Variants in SERPINB11 observed in about 807,000 individuals in gnomAD.
SERPINB11 encodes serpin B11.
Under a neutral mutation model 36.7 loss-of-function variants are expected in SERPINB11, and 32 were observed. The ratio of observed to expected loss-of-function variants is 0.87; its 90% CI spans 0.66 to 1.17. The LOEUF (loss-of-function observed/expected upper bound fraction) is 1.17. SERPINB11 is among the 50% of genes most tolerant of loss of function. The pLI, the probability that SERPINB11 is intolerant of heterozygous loss-of-function variation, is 0.00. For synonymous variants in SERPINB11, 174 were observed against 168.1 expected (o/e 1.04, Z -0.27); for missense variants, 528 against 458.4 (o/e 1.15, Z -1.39).
chr18:63,710,269 G>A lies in SERPINB11; in HGVS notation c.76G>A (p.Asp26Asn). 1.2e-6 allele frequency: 2 copies of A among 1,613,848 alleles called. No homozygotes were observed. The highest frequency in any genetic ancestry group is 1.1e-5 in the South Asian group (1 of 91,066). The change falls in exon 2 of 8, where the codon GAT becomes AAT. Residue 26 changes from aspartate (D) to asparagine (N), a missense_variant. Physicochemically the swap from Asp to Asn is conservative, Grantham distance 23 (BLOSUM62 1). Transcript: ENST00000544088. ...FKELNSNNIG[D>N]NIFFSSLSLL... is the part of the protein sequence containing the mutation. ...AGAGCTGAACAGTAACAACATAGGA[G>A]ATAACATCTTCTTTTCTTCGCTGAG...
At position 63,711,377 on chromosome 18, in the gene SERPINB11, T is replaced by A. The variant is rs1914520694; in HGVS notation, c.211T>A (p.Phe71Ile). The stretch of plus-strand genomic sequence containing the variant: ...TACTGTAGACTCATTAAAACCAGGG[T>A]TCAAGGACTCACCTAAGGTATGATA... ...SHTVDSLKPG[F>I]KDSPKCSQAG... Residue 71 changes from phenylalanine to isoleucine, a missense_variant, in exon 3 of 8, where the codon TTC becomes ATC. Coordinates refer to ENST00000544088, the MANE Select transcript of SERPINB11 (RefSeq NM_001370475.1). The A allele has an allele frequency of 9.9e-6, 16 of 1,609,036 alleles. No individual in the cohort carries two copies. The highest frequency in any genetic ancestry group is 1.4e-5 in the Non-Finnish European group (16 of 1,176,052).
rs781740059 is a variant in SERPINB11 at position 63,723,275 on chromosome 18, A to G, written c.1055A>G (p.Asp352Gly). ...ACGGAGGCAGCAGCAGCCACTGGGG[A>G]CAGCATCGCTGTAAAAAGCCTACCA... ...EGTEAAAATG[D>G]SIAVKSLPMR... The change falls in exon 8 of 8, where the codon GAC becomes GGC. Residue 352 changes from aspartate (D) to glycine (G), a missense_variant. Transcript: ENST00000544088. The G allele has an allele frequency of 1.2e-5, 20 of 1,613,966 alleles. No individual in the cohort carries two copies. The highest frequency in any genetic ancestry group is 1.6e-5 in the Non-Finnish European group (19 of 1,179,860).
At chr18:63,705,728 T>C (rs529753914) in intron 1 of SERPINB11, 3 of 152,362 alleles carry the variant, frequency 2.0e-5, no homozygotes, top group Non-Finnish European at 4.4e-5. Flanking sequence ...ACAATAGTTA[T>C]GATATGTGAA....
At position 63,723,348 on chromosome 18, in the gene SERPINB11, G is replaced by T. The variant is rs1233244317; in HGVS notation, c.1128G>T (p.Arg376Ser). The T allele has an allele frequency of 1.2e-6, 2 of 1,613,714 alleles. No homozygotes were observed. Among genetic ancestry groups the T allele is most frequent in the Middle Eastern group, 1.7e-4 (1 of 6,056 alleles). Residue 376 changes from arginine to serine, a missense_variant, in exon 8 of 8, where the codon AGG (arginine) becomes AGT (serine). Arg to Ser is a moderately radical substitution (Grantham distance 110). Coordinates refer to ENST00000544088, the MANE Select transcript of SERPINB11 (RefSeq NM_001370475.1). ...KANHPFLFFI[R>S]HTHTNTILFC... is the part of the protein sequence containing the mutation. The stretch of plus-strand genomic sequence containing the variant: ...ACCACCCCTTCCTTTTCTTTATAAG[G>T]CACACTCATACCAACACGATCCTAT...
At chr18:63,719,872 A>C in intron 5 of SERPINB11, 141 bp from the exon 6 acceptor site, 1 of 582,962 alleles carries the variant, frequency 1.7e-6, no homozygotes, top group Non-Finnish European at 2.9e-6. Flanking sequence ...CTCCATGGCC[A>C]GGAGATGAAA....
chr18:63,717,142 T>A (rs1349606553), intron 5 of SERPINB11, among the ~76,000 whole-genome samples: 1 of 152,122 alleles, frequency 6.6e-6, no homozygotes, highest in Non-Finnish European at 1.5e-5. Flanking sequence ...ATTGGAATCA[T>A]AAGTTATGTG....
intron 3 of SERPINB11, among the ~76,000 whole-genome samples, chr18:63,711,699 C>T (rs1341550189): frequency 6.6e-6 from 1 of 152,092 alleles, no homozygotes; most frequent in Non-Finnish European, 1.5e-5. Context: ...TGGTGTTAGA[C>T]TTTTCTGTCT....
chr18:63,717,244 A>G (rs1914692697), intron 5 of SERPINB11, among the ~76,000 whole-genome samples: 1 of 152,074 alleles, frequency 6.6e-6, no homozygotes, highest in Non-Finnish European at 1.5e-5. Flanking sequence ...TTTCATTCTC[A>G]GAATATTCCA....
At position 63,719,739 on chromosome 18, in the gene SERPINB11, G is replaced by A. The variant is rs1280885051; in HGVS notation, c.476-274G>A. On this transcript the variant is annotated intron_variant, in intron 5 of 7. Coordinates refer to ENST00000544088, the MANE Select transcript of SERPINB11 (RefSeq NM_001370475.1). Reference sequence around the variant, plus strand: ...AGTGATGTATAAGAAATTACTCGATGTAACTAGGCATAAGACAAATTGATC... The same window carrying A: ...AGTGATGTATAAGAAATTACTCGATATAACTAGGCATAAGACAAATTGATC... Among the ~76,000 whole-genome samples the A allele has an allele frequency of 3.3e-5, 5 of 152,108 alleles. No homozygotes were observed. In the East Asian group the frequency reaches 5.8e-4, roughly 18 times the overall value.
intron 5 of SERPINB11, among the ~76,000 whole-genome samples, chr18:63,719,003 C>T (rs1293473210): frequency 6.6e-6 from 1 of 151,866 alleles, no homozygotes; most frequent in Non-Finnish European, 1.5e-5. Flanking sequence ...TGAAAAAGCC[C>T]ACAATTGAGC....
chr18:63,705,709 T>A (rs1197203018), intron 1 of SERPINB11: 1 of 152,264 alleles, frequency 6.6e-6, no homozygotes, highest in Non-Finnish European at 1.5e-5. Context: ...CTCTAGTAAC[T>A]GCAGGGCTAC....
intron 4 of SERPINB11, among the ~76,000 whole-genome samples, chr18:63,713,359 C>A (rs1179349014): frequency 6.6e-6 from 1 of 152,174 alleles, no homozygotes; most frequent in Non-Finnish European, 1.5e-5. Context: ...AAAAGTCAGG[C>A]TGATAAGGGT....
Position 63,712,552 on chromosome 18 carries a change from A to G in SERPINB11, c.229-13A>G. On this transcript the variant is annotated splice_polypyrimidine_tract_variant and intron_variant, in intron 3 of 7. Coordinates refer to ENST00000544088, the MANE Select transcript of SERPINB11 (RefSeq NM_001370475.1). ...CAATTTAATACATCATTCTTTGTTT[A>G]CTGATGCTTCAGTGCAGCCAAGCTG... 1 of 1,613,486 alleles carries G rather than the reference A, an allele frequency of 6.2e-7. No homozygotes were observed. Among genetic ancestry groups the G allele is most frequent in the Non-Finnish European group, 8.5e-7 (1 of 1,179,528 alleles).
Position 63,720,170 on chromosome 18 carries a change from T to A in SERPINB11, c.618+15T>A, listed in dbSNP as rs1252482997. On this transcript the variant is annotated intron_variant, in intron 6 of 7. Coordinates refer to ENST00000544088, the MANE Select transcript of SERPINB11 (RefSeq NM_001370475.1). ...AGCTAAGTGAGGTAAGTATTTTATT[T>A]TCAGACTCATGACAAATGTTGGAGG... 3 of 1,584,754 alleles carry A rather than the reference T, an allele frequency of 1.9e-6. No individual in the cohort carries two copies.
rs74571289 is a variant in SERPINB11 at position 63,717,911 on chromosome 18, G to A, written c.475+1759G>A. Among the ~76,000 whole-genome samples, 717 of 151,932 alleles carry A rather than the reference G, an allele frequency of 4.7e-3. 9 individuals carry two copies. The highest frequency in any genetic ancestry group is 0.03 in the East Asian group (154 of 5,190). On this transcript the variant is annotated intron_variant, in intron 5 of 7. Coordinates refer to ENST00000544088, the MANE Select transcript of SERPINB11 (RefSeq NM_001370475.1). ...TGGACGATTTTAAAGAAATCTTGTC[G>A]TGAAAGTATTTTCTAGTTTGTGAAA...
intron 7 of SERPINB11, among the ~76,000 whole-genome samples, chr18:63,721,415 T>A (rs1307872678): frequency 5.3e-5 from 8 of 152,178 alleles, no homozygotes; most frequent in Non-Finnish European, 1.2e-4. Context: ...CATCTCAGTT[T>A]TGTGGAGAAA....
chr18:63,711,235 A>C (rs918618415), intron 2 of SERPINB11, 100 bp from the exon 3 acceptor site: 1 of 819,646 alleles, frequency 1.2e-6, no homozygotes. Flanking sequence ...ATCACTACTG[A>C]TCTTGATCTA....
At chr18:63,722,878 AG>A in intron 7 of SERPINB11, 116 bp from the exon 8 acceptor site, 1 of 1,026,386 alleles carries the variant, frequency 9.7e-7, no homozygotes, top group Non-Finnish European at 1.4e-6. Flanking sequence ...ACTGTATTAA[AG>A]GTAGAAAAAG....
At chr18:63,710,150 T>A (rs765302581) in intron 1 of SERPINB11, 29 bp from the exon 2 acceptor site, 12 of 1,543,736 alleles carry the variant, frequency 7.8e-6, no homozygotes, top group Non-Finnish European at 1.1e-5. Context: ...CAAGTGATGT[T>A]CTGAGAATTT....
Sources: allele counts gnomAD v4.1 joint callset (sites outside exome capture counted in the v4.1 genomes callset), GRCh38; gene constraint gnomAD v4.1.1; transcripts MANE v1.5; gene names NCBI Gene and HGNC (gene_info 2026-07-23, HGNC 2026-07-21).